The following GTF2E2 variants were observed in gnomAD, a reference collection of about 807,000 sequenced individuals.
The protein encoded by GTF2E2 is transcription initiation factor IIE subunit beta.
In GTF2E2, 21 loss-of-function variants were observed where a neutral mutation model predicts 40.5. The observed-to-expected ratio is 0.52, with a 90% CI of 0.37 to 0.75. GTF2E2 has a LOEUF of 0.75. Among genes scored for constraint, GTF2E2 ranks in the 30% least tolerant of loss-of-function variants. The pLI is 0.00. For synonymous variants in GTF2E2, 117 were observed against 121.6 expected (o/e 0.96, Z 0.25); for missense variants, 298 against 338.4 (o/e 0.88, Z 0.94).
chr8:30,645,302 C>G (rs763808508), intron 2 of GTF2E2: 1 of 1,532,804 alleles, frequency 6.5e-7, no homozygotes, highest in South Asian at 1.2e-5. Context: ...CAAGTGGAAT[C>G]TCTAAGAATG....
At chr8:30,599,876 G>A (rs927115181) in intron 6 of GTF2E2, among the ~76,000 whole-genome samples, 2 of 152,068 alleles carry the variant, frequency 1.3e-5, no homozygotes, top group Admixed American at 6.5e-5. Flanking sequence ...CCAGCTACTA[G>A]GGAGGCTGAG....
chr8:30,595,672 A>G (rs1009432221), intron 6 of GTF2E2, among the ~76,000 whole-genome samples: 1 of 152,174 alleles, frequency 6.6e-6, no homozygotes, highest in Non-Finnish European at 1.5e-5. Context: ...TCTACTAGAA[A>G]TACAAAAAAA....
chr8:30,610,659 A>G (rs1301743822), intron 5 of GTF2E2, among the ~76,000 whole-genome samples: 2 of 152,144 alleles, frequency 1.3e-5, no homozygotes, highest in Non-Finnish European at 2.9e-5. Context: ...GAAAAGGAAT[A>G]AAGTTGGACT....
intron 2 of GTF2E2, among the ~76,000 whole-genome samples, chr8:30,651,708 G>A (rs1298572773): frequency 2.0e-5 from 3 of 152,164 alleles, no homozygotes; most frequent in Non-Finnish European, 4.4e-5. Context: ...AATCCCAGCA[G>A]GCTTTTTTGC....
rs533240221 is a variant in GTF2E2 at position 30,588,732 on chromosome 8, G to C, written c.644-8336C>G. Among the ~76,000 whole-genome samples the C allele has an allele frequency of 1.1e-4, 16 of 152,228 alleles. No homozygotes were observed. The South Asian group carries it at 3.3e-3, about 32-fold the overall frequency. Reference sequence around the variant, plus strand: ...GGAAGCAGAGGTCAGAGTGATGCTGGGACACAAGCCAAGAAATTCGGGTAG... The same window carrying C: ...GGAAGCAGAGGTCAGAGTGATGCTGCGACACAAGCCAAGAAATTCGGGTAG... On this transcript the variant is annotated intron_variant, in intron 6 of 7. Coordinates refer to ENST00000355904, the MANE Select transcript of GTF2E2 (RefSeq NM_002095.6).
chr8:30,624,456 G>A (rs1209786664), intron 3 of GTF2E2, among the ~76,000 whole-genome samples: 2 of 152,076 alleles, frequency 1.3e-5, no homozygotes, highest in Admixed American at 1.3e-4. Context: ...GATGCCTCCA[G>A]CTTTGTTCTT....
At chr8:30,586,258 T>C (rs765382783) in intron 6 of GTF2E2, among the ~76,000 whole-genome samples, 9 of 152,194 alleles carry the variant, frequency 5.9e-5, no homozygotes, top group Non-Finnish European at 1.0e-4. Flanking sequence ...CTTCTAGTGA[T>C]CTTACATTTG....
At chr8:30,600,900 C>T (rs111435788) in intron 6 of GTF2E2, among the ~76,000 whole-genome samples, 13 of 152,194 alleles carry the variant, frequency 8.5e-5, no homozygotes, top group Non-Finnish European at 1.6e-4. Flanking sequence ...CTCAGAGTTC[C>T]TCTCTATGGC....
In GTF2E2 at chr8:30,638,464, A is replaced by G. The variant is rs745698174; in HGVS notation, c.167-3341T>C. ...TTGATACCCCAGACAGCTCTATTCA[A>G]GTTTATGAATGATTTACTCTTAAGG... On this transcript the variant is annotated intron_variant, in intron 2 of 7. Transcript: ENST00000355904. The G allele has an allele frequency of 2.0e-5, 3 of 152,576 alleles. No individual in the cohort carries two copies. In the South Asian group the frequency reaches 6.2e-4, roughly 32 times the overall value. The allele number at this position is 152,576 out of a possible 1,614,324, so 9.5% of individuals were successfully genotyped here.
intron 2 of GTF2E2, among the ~76,000 whole-genome samples, chr8:30,640,710 A>G (rs1016404353): frequency 6.6e-6 from 1 of 152,074 alleles, no homozygotes; most frequent in Non-Finnish European, 1.5e-5. Context: ...ATGTATTTCT[A>G]TTTTTTGGCG....
At chr8:30,653,852 G>A (rs762921547) in intron 1 of GTF2E2, among the ~76,000 whole-genome samples, 1 of 152,148 alleles carries the variant, frequency 6.6e-6, no homozygotes, top group Non-Finnish European at 1.5e-5. Context: ...ACTTTGGGAA[G>A]CCGAGGTGGG....
intron 3 of GTF2E2, among the ~76,000 whole-genome samples, chr8:30,627,610 C>T (rs1801326117): frequency 6.6e-6 from 1 of 152,152 alleles, no homozygotes; most frequent in African/African-American, 2.4e-5. Flanking sequence ...AGGAGGATTG[C>T]TTGAGGCCAG....
At chr8:30,609,421 C>A (rs1052139219) in intron 5 of GTF2E2, among the ~76,000 whole-genome samples, 2 of 151,876 alleles carry the variant, frequency 1.3e-5, no homozygotes, top group African/African-American at 4.8e-5. Context: ...TGGTCCCAAG[C>A]ATTACAGATA....
intron 2 of GTF2E2, among the ~76,000 whole-genome samples, chr8:30,639,022 C>T (rs1278649606): frequency 6.6e-6 from 1 of 152,144 alleles, no homozygotes; most frequent in Admixed American, 6.5e-5. Context: ...AAACCCAGAT[C>T]AAAAGCGAAT....
In GTF2E2 at chr8:30,600,038, C is replaced by T. The variant is rs1041487719; in HGVS notation, c.643+7019G>A. 7.2e-5 allele frequency among the ~76,000 whole-genome samples: 11 copies of T among 152,206 alleles called. No homozygotes were observed. In the South Asian group the frequency reaches 2.3e-3, roughly 32 times the overall value. ...CAGTATGAGAGCCCCAGAGCACAGA[C>T]TCAAAAGTGGTAGCTACTATAAGAA... is the stretch of plus-strand genomic sequence containing the variant. On this transcript the variant is annotated intron_variant, in intron 6 of 7. Transcript: ENST00000355904.
chr8:30,640,832 G>C (rs1014545254), intron 2 of GTF2E2, among the ~76,000 whole-genome samples: 7 of 152,094 alleles, frequency 4.6e-5, no homozygotes, highest in African/African-American at 1.7e-4. Flanking sequence ...GGCTTCCTGA[G>C]AAACTGGGAT....
At position 30,580,307 on chromosome 8, in the gene GTF2E2, T is replaced by A. The variant is rs375607570; in HGVS notation, c.733A>T (p.Met245Leu). 4.4e-6 allele frequency: 7 copies of A among 1,605,880 alleles called. No homozygotes were observed. Among genetic ancestry groups the A allele is most frequent in the African/African-American group, 1.3e-5 (1 of 74,796 alleles). ...EYLKRQGISS[M>L]QESGPKKVAP... ...ACTTTCTTTGGTCCAGATTCCTGCA[T>A]GGAAGAAATACCCTGTCGCTTCAGA... The change falls in exon 7 of 8, where the codon ATG (methionine) becomes TTG (leucine). Residue 245 changes from methionine (M) to leucine (L), a missense_variant. Transcript: ENST00000355904.
At chr8:30,630,295 C>T (rs1395610363) in intron 3 of GTF2E2, among the ~76,000 whole-genome samples, 6 of 152,122 alleles carry the variant, frequency 3.9e-5, no homozygotes, top group Non-Finnish European at 5.9e-5. Context: ...TATTATGACT[C>T]TGAAGTTCCT....
chr8:30,622,774 A>G (rs1340851546), intron 3 of GTF2E2, among the ~76,000 whole-genome samples: 1 of 151,990 alleles, frequency 6.6e-6, no homozygotes, highest in Non-Finnish European at 1.5e-5. Flanking sequence ...GAATTCAGCG[A>G]TATTTCTCCC....
Sources: gnomAD v4.1 joint callset for allele counts (sites outside exome capture counted in the v4.1 genomes callset) on GRCh38, gnomAD v4.1.1 for gene constraint, MANE v1.5 for transcripts, NCBI Gene and HGNC (gene_info 2026-07-23, HGNC 2026-07-21) for gene names.